DPP6: variants seen among roughly 807,000 people sequenced by gnomAD.
DPP6 encodes dipeptidyl peptidase like 6, also known as A-type potassium channel modulatory protein DPP6.
In DPP6, 69 loss-of-function variants were observed where a neutral mutation model predicts 122.6. The observed-to-expected ratio is 0.56, with a 90% CI of 0.46 to 0.69. DPP6 has a LOEUF of 0.69. Ranked by LOEUF, DPP6 falls within the 30% of genes least tolerant of loss-of-function variation. DPP6 has a pLI of 0.00. For synonymous variants in DPP6, 418 were observed against 433.1 expected, an observed-to-expected ratio of 0.97 and a Z score of 0.43; for missense variants, 928 against 1,116.9, an observed-to-expected ratio of 0.83 and a Z score of 2.41.
intron 1 of DPP6, among the ~76,000 whole-genome samples, chr7:154,184,573 G>A (rs1306448116): frequency 6.6e-6 from 1 of 151,946 alleles, no homozygotes. Context: ...CGACCGGCAG[G>A]TATGAATGCT....
rs368125000 is a variant in DPP6, at chr7:153,918,456, A to T, written c.51+30722A>T. Among the ~76,000 whole-genome samples the T allele has an allele frequency of 1.7e-3, 178 of 104,386 alleles. 2 individuals carry two copies. Among genetic ancestry groups the T allele is most frequent in the Middle Eastern group, 9.3e-3 (2 of 214 alleles). 68.5% of individuals were successfully genotyped at this position (104,386 alleles called of 152,430 possible). A position where few individuals can be genotyped will look rare whatever the true frequency, so the allele number is the denominator to read the frequency against. ...CACACACACACACACACACACACAC[A>T]CACACACACACTCTCTCTCTCTCTC... On this transcript the variant is annotated intron_variant, in intron 1 of 25. Transcript: ENST00000404039.
At position 153,933,517 on chromosome 7, in the gene DPP6, C is replaced by T. The variant is rs112399623; in HGVS notation, c.51+45783C>T. ...TCTGCCATCTTAAATAAGTTAATTTCTCTGGATGCTTCACTATCTGGCGTT... is the reference window on the plus strand; with the variant it reads ...TCTGCCATCTTAAATAAGTTAATTTTTCTGGATGCTTCACTATCTGGCGTT... On this transcript the variant is annotated intron_variant, in intron 1 of 25. Coordinates refer to the DPP6 transcript ENST00000404039. 1.4e-4 allele frequency among the ~76,000 whole-genome samples: 22 copies of T among 152,336 alleles called. 1 individual carries two copies. Among genetic ancestry groups the T allele is most frequent in the African/African-American group, 5.3e-4 (22 of 41,572 alleles).
intron 1 of DPP6, among the ~76,000 whole-genome samples, chr7:154,137,781 A>G (rs1173782713): frequency 2.0e-5 from 3 of 152,090 alleles, no homozygotes; most frequent in Non-Finnish European, 2.9e-5. Context: ...CATGACCTCC[A>G]CTTCTCCTCT....
intron 1 of DPP6, among the ~76,000 whole-genome samples, chr7:154,232,586 T>A (rs1429080775): frequency 2.6e-5 from 4 of 152,206 alleles, no homozygotes; most frequent in Admixed American, 2.6e-4. Flanking sequence ...GGAGAACCAA[T>A]GGCCCTGTTA....
intron 1 of DPP6, among the ~76,000 whole-genome samples, chr7:154,206,182 CTT>C (rs1437586763): frequency 6.6e-6 from 1 of 152,258 alleles, no homozygotes; most frequent in Non-Finnish European, 1.5e-5. Context: ...CCTTCCCTCT[CTT>C]CTCTTCTTCT....
chr7:154,359,802 A>C (rs1243643328), intron 1 of DPP6, among the ~76,000 whole-genome samples: 1 of 152,244 alleles, frequency 6.6e-6, no homozygotes, highest in Non-Finnish European at 1.5e-5. Flanking sequence ...AATGAGAGGC[A>C]GTCAGATAGT....
At chr7:154,020,804 G>C (rs1390750501) in intron 1 of DPP6, among the ~76,000 whole-genome samples, 2 of 152,128 alleles carry the variant, frequency 1.3e-5, no homozygotes, top group African/African-American at 4.8e-5. Flanking sequence ...AAGGTCTGGG[G>C]CAAAGCGGCA....
intron 1 of DPP6, among the ~76,000 whole-genome samples, chr7:153,942,606 T>G (rs1290207291): frequency 2.0e-5 from 3 of 152,120 alleles, no homozygotes; most frequent in African/African-American, 7.2e-5. Flanking sequence ...CAACTAAAAA[T>G]GTAATGTCAG....
At chr7:154,047,675 A>C (rs1283434431), upstream of DPP6, among the ~76,000 whole-genome samples, 1 of 152,160 alleles carries the variant, frequency 6.6e-6, no homozygotes, top group Non-Finnish European at 1.5e-5. Flanking sequence ...TTTCTGAGGC[A>C]ATGTTGGTAG....
chr7:153,964,955 TC>T (rs2129030212), intron 1 of DPP6, among the ~76,000 whole-genome samples: 4 of 134,198 alleles, frequency 3.0e-5, no homozygotes, highest in Admixed American at 7.0e-5. Context: ...TTTCTTTCTC[TC>T]TTTCTTTCTT....
At chr7:153,789,699 G>A in the DPP6 span, among the ~76,000 whole-genome samples, 1 of 152,160 alleles carries the variant, frequency 6.6e-6, no homozygotes, top group Non-Finnish European at 1.5e-5. Flanking sequence ...AAATTATAAA[G>A]TTTTGAAGTA....
At chr7:154,815,747 A>G (rs1799384482) in intron 16 of DPP6, among the ~76,000 whole-genome samples, 1 of 152,238 alleles carries the variant, frequency 6.6e-6, no homozygotes, top group Non-Finnish European at 1.5e-5. Context: ...GTCTGTGTTC[A>G]TGAATCCCTT....
the DPP6 span, among the ~76,000 whole-genome samples, chr7:153,765,193 G>T: frequency 4.0e-5 from 6 of 151,854 alleles, no homozygotes; most frequent in Non-Finnish European, 5.9e-5. Context: ...AATGTAACAG[G>T]TCACCTTGGG....
intron 1 of DPP6, among the ~76,000 whole-genome samples, chr7:154,337,762 G>A (rs757451352): frequency 2.0e-5 from 3 of 152,224 alleles, no homozygotes; most frequent in Non-Finnish European, 4.4e-5. Context: ...TTTGCACTTT[G>A]ATGAGAATGA....
intron 4 of DPP6, among the ~76,000 whole-genome samples, chr7:154,556,602 AAGAG>A (rs1563849780): frequency 6.6e-6 from 1 of 152,320 alleles, no homozygotes; most frequent in Admixed American, 6.5e-5. Flanking sequence ...GTTTCATAAA[AAGAG>A]AGAAATTTTT....
the DPP6 span, among the ~76,000 whole-genome samples, chr7:153,855,985 T>C: frequency 7.2e-5 from 11 of 152,188 alleles, no homozygotes; most frequent in African/African-American, 2.7e-4. Context: ...AACAATTGCC[T>C]CAATACATCC....
chr7:153,919,429 T>C (rs1800530089), intron 1 of DPP6, among the ~76,000 whole-genome samples: 1 of 152,212 alleles, frequency 6.6e-6, no homozygotes, highest in Non-Finnish European at 1.5e-5. Flanking sequence ...GCCTCATGCA[T>C]GTGAGTCCTT....
At chr7:153,803,018 C>G in the DPP6 span, among the ~76,000 whole-genome samples, 1 of 151,014 alleles carries the variant, frequency 6.6e-6, no homozygotes, top group East Asian at 2.0e-4. Context: ...AGATTCACTG[C>G]TGCTGTGTTC....
intron 4 of DPP6, among the ~76,000 whole-genome samples, chr7:154,543,970 G>T (rs1156637215): frequency 1.4e-5 from 2 of 139,728 alleles, no homozygotes; most frequent in Non-Finnish European, 3.0e-5. Context: ...CGCCAGCCTG[G>T]GCAACAGAGT....
Sources: gnomAD v4.1 joint callset for allele counts (sites outside exome capture counted in the v4.1 genomes callset) on GRCh38, gnomAD v4.1.1 for gene constraint, MANE v1.5 for transcripts, NCBI Gene and HGNC (gene_info 2026-07-23, HGNC 2026-07-21) for gene names.